The following NAAA variants were observed in gnomAD, a reference collection of about 807,000 sequenced individuals.
The protein encoded by NAAA is N-acylethanolamine-hydrolyzing acid amidase.
Under a neutral mutation model 44.8 loss-of-function variants are expected in NAAA, and 39 were observed. The observed-to-expected ratio is 0.87, with a 90% confidence interval of 0.67 to 1.14. The LOEUF is 1.14. Among genes scored for constraint, NAAA ranks in the 50% most tolerant of loss-of-function variants. The pLI is 0.00. For missense variants in NAAA, 460 were observed against 467.8 expected, an observed-to-expected ratio of 0.98 and a Z score of 0.15; for synonymous variants, 178 against 191.3, an observed-to-expected ratio of 0.93 and a Z score of 0.58.
Position 75,931,299 on chromosome 4 carries a change from T to G in NAAA, c.504A>C (p.Ala168=), listed in dbSNP as rs1727211298. 1 of 1,609,246 alleles carries G rather than the reference T, an allele frequency of 6.2e-7. No individual in the cohort carries two copies. Among genetic ancestry groups the G allele is most frequent in the South Asian group, 1.1e-5 (1 of 90,852 alleles). The stretch of plus-strand genomic sequence containing the variant: ...AGCCAATAAAAGTAGTTCCTGTGAA[T>G]GCAATCTGAAATCAAGAGATAACAT... The part of the protein sequence containing the change: ...DVQFLKNGQI[A]FTGTTFIGYV... Residue 168 remains alanine (A), a synonymous_variant, in exon 4 of 11, where the codon GCA becomes GCC. Coordinates refer to ENST00000286733, the MANE Select transcript of NAAA (RefSeq NM_014435.4).
chr4:75,925,484 TG>T (rs1234425005), intron 5 of NAAA, among the ~76,000 whole-genome samples: 2 of 152,218 alleles, frequency 1.3e-5, no homozygotes, highest in African/African-American at 4.8e-5. Flanking sequence ...AAACCGAAGT[TG>T]AGCTCAGTTC....
intron 4 of NAAA, among the ~76,000 whole-genome samples, 177 bp downstream of exon 4, chr4:75,931,037 T>C (rs1727184413): frequency 6.6e-6 from 1 of 152,216 alleles, no homozygotes. Flanking sequence ...TTGCAGCACT[T>C]ATTGCTACCT....
At chr4:75,921,247 C>T (rs2149253203) in intron 5 of NAAA, 124 bp from the exon 6 acceptor site, 1 of 893,340 alleles carries the variant, frequency 1.1e-6, no homozygotes, top group African/African-American at 1.7e-5. Flanking sequence ...CCTTGATCTG[C>T]TCTGACCTTA....
chr4:75,911,395 G>A, downstream of NAAA: 1 of 477,374 alleles, frequency 2.1e-6, no homozygotes, highest in South Asian at 1.5e-5. Flanking sequence ...TACTATTGCA[G>A]TAGAGAAAGA....
intron 2 of NAAA, among the ~76,000 whole-genome samples, chr4:75,937,687 C>T (rs952088997): frequency 6.6e-6 from 1 of 152,132 alleles, no homozygotes; most frequent in Admixed American, 6.5e-5. Context: ...AAGGTTTTAC[C>T]ATGTTGCCCA....
At chr4:75,918,686 T>G in intron 9 of NAAA, 75 bp downstream of exon 9, 9 of 1,517,876 alleles carry the variant, frequency 5.9e-6, no homozygotes, top group Non-Finnish European at 8.2e-6. Flanking sequence ...AGATCCTTGC[T>G]GAGCCAAACA....
intron 4 of NAAA, among the ~76,000 whole-genome samples, chr4:75,929,367 T>C (rs930985886): frequency 2.0e-5 from 3 of 152,062 alleles, no homozygotes; most frequent in Non-Finnish European, 4.4e-5. Context: ...AGCCTGTAAC[T>C]CCTGGGCCCA....
downstream of NAAA, chr4:75,913,572 C>T: frequency 1.5e-6 from 1 of 656,818 alleles, no homozygotes; most frequent in Non-Finnish European, 1.9e-6. Flanking sequence ...TAAATAACAT[C>T]ACAACTAAGA....
At chr4:75,940,289 A>C in intron 1 of NAAA, 124 bp from the exon 2 acceptor site, 1 of 918,318 alleles carries the variant, frequency 1.1e-6, no homozygotes, top group South Asian at 1.8e-5. Context: ...CTCCCCAGTC[A>C]GTGGACCGCC....
At chr4:75,922,538 A>G (rs1726271013) in intron 5 of NAAA, among the ~76,000 whole-genome samples, 3 of 152,150 alleles carry the variant, frequency 2.0e-5, no homozygotes, top group Admixed American at 2.0e-4. Context: ...GGGTTTCCCC[A>G]CTCCATCTAT....
intron 9 of NAAA, among the ~76,000 whole-genome samples, chr4:75,918,347 T>C (rs1473040469): frequency 6.6e-6 from 1 of 151,798 alleles, no homozygotes; most frequent in Admixed American, 6.6e-5. Flanking sequence ...CCCAGCCACT[T>C]GGGAGGCTGA....
chr4:75,927,633 G>GCCCCCC (rs60371960), intron 4 of NAAA, among the ~76,000 whole-genome samples: 5 of 95,774 alleles, frequency 5.2e-5, no homozygotes, highest in Non-Finnish European at 5.8e-5. Flanking sequence ...AATTTTTAAT[G>GCCCCCC]CCCCCCCCCC....
At chr4:75,921,450 T>C (rs1262754743) in intron 5 of NAAA, among the ~76,000 whole-genome samples, 1 of 152,168 alleles carries the variant, frequency 6.6e-6, no homozygotes, top group Non-Finnish European at 1.5e-5. Context: ...TCATTTATTA[T>C]TTAAACAGGG....
intron 4 of NAAA, among the ~76,000 whole-genome samples, chr4:75,927,996 C>G (rs1285071682): frequency 3.3e-5 from 5 of 152,150 alleles, no homozygotes; most frequent in Non-Finnish European, 7.3e-5. Flanking sequence ...GTATCAATAA[C>G]AAAATTAATT....
At chr4:75,923,576 G>T (rs1726376590) in intron 5 of NAAA, among the ~76,000 whole-genome samples, 1 of 149,186 alleles carries the variant, frequency 6.7e-6, no homozygotes, top group Admixed American at 6.7e-5. Context: ...GTCTTGCTGT[G>T]TCTCCCAGGC....
intron 2 of NAAA, among the ~76,000 whole-genome samples, chr4:75,939,401 C>A (rs915254327): frequency 1.3e-5 from 2 of 149,882 alleles, no homozygotes; most frequent in Admixed American, 6.7e-5. Flanking sequence ...TGGAAAAGTA[C>A]GTTTTGAGCA....
intron 9 of NAAA, among the ~76,000 whole-genome samples, chr4:75,915,697 G>T (rs187451371): frequency 2.6e-5 from 4 of 152,232 alleles, no homozygotes; most frequent in South Asian, 4.2e-4. Context: ...CCATGCTTTG[G>T]GGGGGTGGTA....
rs921622891 is a variant in NAAA at position 75,940,785 on chromosome 4, G to T, written c.165C>A (p.Tyr55Ter). 2 of 1,598,856 alleles carry T rather than the reference G, an allele frequency of 1.3e-6. No homozygotes were observed. Among genetic ancestry groups the T allele is most frequent in the Non-Finnish European group, 1.7e-6 (2 of 1,178,860 alleles). Residue 55 changes from tyrosine (Y) to a stop codon, truncating the protein, a stop_gained, in exon 1 of 11, where the codon TAC becomes TAA. Transcript: ENST00000286733. LOFTEE classifies it high-confidence loss of function. Reference sequence around the variant, plus strand: ...TCGCGGCGCGCACCAAGTCCAAGTCGTAGTGCCGCAGCACGGGCAGCCAGC... The same window carrying T: ...TCGCGGCGCGCACCAAGTCCAAGTCTTAGTGCCGCAGCACGGGCAGCCAGC... ...ELRWLPVLRHYDLDLVRAAMA... is the reference protein window; with the variant it reads ...ELRWLPVLRH
intron 2 of NAAA, 146 bp from the exon 3 acceptor site, chr4:75,936,381 A>C: frequency 4.6e-6 from 4 of 874,572 alleles, no homozygotes; most frequent in Non-Finnish European, 6.9e-6. Context: ...TTGTATAAGA[A>C]TATAGATTAA....
Sources: allele counts gnomAD v4.1 joint callset (sites outside exome capture counted in the v4.1 genomes callset), GRCh38; gene constraint gnomAD v4.1.1; transcripts MANE v1.5; gene names NCBI Gene and HGNC (gene_info 2026-07-23, HGNC 2026-07-21).